SLC8A1: variants seen among roughly 807,000 people sequenced by gnomAD.
SLC8A1 encodes sodium/calcium exchanger 1.
SLC8A1 carries 18 observed loss-of-function variants against 68.3 expected under a neutral mutation model. That is an observed-to-expected ratio of 0.26 (90% CI 0.18 to 0.39). SLC8A1 has a LOEUF of 0.39. SLC8A1 is among the 10% of genes least tolerant of loss of function. The pLI is 1.00. For synonymous variants in SLC8A1, 475 were observed against 415.5 expected (o/e 1.14, Z -1.74); for missense variants, 985 against 1,156.7 (o/e 0.85, Z 2.15).
intron 2 of SLC8A1, among the ~76,000 whole-genome samples, chr2:40,326,682 A>G (rs2075861671): frequency 6.6e-6 from 1 of 152,156 alleles, no homozygotes; most frequent in African/African-American, 2.4e-5. Context: ...GGTACTGATC[A>G]ATGGTTATGG....
intron 2 of SLC8A1, among the ~76,000 whole-genome samples, chr2:40,265,015 G>C (rs1008583589): frequency 5.9e-5 from 9 of 152,172 alleles, no homozygotes; most frequent in African/African-American, 2.2e-4. Context: ...ATGTTGCCAT[G>C]ACTTGCTTTG....
chr2:40,263,072 G>T (rs573519648), intron 2 of SLC8A1, among the ~76,000 whole-genome samples: 2 of 152,154 alleles, frequency 1.3e-5, no homozygotes, highest in Non-Finnish European at 2.9e-5. Flanking sequence ...GTCCTTCAGC[G>T]AATGACTTAC....
intron 1 of SLC8A1, among the ~76,000 whole-genome samples, chr2:40,459,561 A>C (rs1312561524): frequency 2.0e-5 from 3 of 152,208 alleles, no homozygotes; most frequent in Admixed American, 6.5e-5. Flanking sequence ...ACAGACTGCC[A>C]CCAGGGGTTG....
intron 2 of SLC8A1, among the ~76,000 whole-genome samples, chr2:40,297,303 G>C (rs1333186268): frequency 6.6e-6 from 1 of 152,070 alleles, no homozygotes; most frequent in East Asian, 1.9e-4. Flanking sequence ...AAGTTGTTTT[G>C]TAGTCCTAGC....
exon 8 of SLC8A1, chr2:40,115,103 T>C (rs897596527): frequency 6.0e-6 from 3 of 498,968 alleles, no homozygotes; most frequent in African/African-American, 2.0e-5. Flanking sequence ...GATGGTTTTT[T>C]ACTTCGGCCC....
At chr2:40,327,284 T>C (rs1486452764) in intron 2 of SLC8A1, among the ~76,000 whole-genome samples, 1 of 152,218 alleles carries the variant, frequency 6.6e-6, no homozygotes, top group African/African-American at 2.4e-5. Flanking sequence ...CACATGAACA[T>C]TCCACTGTTA....
chr2:40,300,026 C>A (rs969669887), intron 2 of SLC8A1, among the ~76,000 whole-genome samples: 1 of 152,108 alleles, frequency 6.6e-6, no homozygotes, highest in Admixed American at 6.5e-5. Context: ...GTATTTAGAC[C>A]TTCAGGCTAT....
intron 6 of SLC8A1, among the ~76,000 whole-genome samples, chr2:40,146,814 A>G (rs534333354): frequency 4.5e-4 from 68 of 152,250 alleles, no homozygotes; most frequent in African/African-American, 1.6e-3. Flanking sequence ...CCCATTAGCC[A>G]TCCCTACCCG....
At chr2:40,174,967 A>C in intron 3 of SLC8A1, 125 bp from the exon 5 acceptor site, 4 of 891,930 alleles carry the variant, frequency 4.5e-6, no homozygotes, top group Non-Finnish European at 5.3e-6. Context: ...AATTAAGAAG[A>C]CTAGGAAAAT....
chr2:40,121,343 G>A (rs959204484), intron 7 of SLC8A1, among the ~76,000 whole-genome samples: 1 of 152,180 alleles, frequency 6.6e-6, no homozygotes, highest in Non-Finnish European at 1.5e-5. Context: ...GCCTTCCTGC[G>A]AGTAATAGAT....
chr2:40,169,953 TAAAG>T (rs745979643), intron 4 of SLC8A1, among the ~76,000 whole-genome samples: 3 of 152,140 alleles, frequency 2.0e-5, no homozygotes, highest in South Asian at 4.2e-4. Context: ...TCAAATAAAA[TAAAG>T]AAACTTCATT....
intron 2 of SLC8A1, among the ~76,000 whole-genome samples, chr2:40,336,414 T>C (rs567386958): frequency 2.6e-5 from 4 of 152,314 alleles, no homozygotes; most frequent in East Asian, 1.9e-4. Flanking sequence ...TAATGTCCAC[T>C]AAAAATCTCA....
At chr2:40,195,554 A>G (rs2148669761) in intron 2 of SLC8A1, among the ~76,000 whole-genome samples, 1 of 152,242 alleles carries the variant, frequency 6.6e-6, no homozygotes, top group Admixed American at 6.5e-5. Context: ...GTATGACTAT[A>G]TCTTTATGAT....
intron 2 of SLC8A1, among the ~76,000 whole-genome samples, chr2:40,360,943 T>A (rs968456753): frequency 6.6e-6 from 1 of 151,980 alleles, no homozygotes; most frequent in Non-Finnish European, 1.5e-5. Flanking sequence ...AGAGTCAGAA[T>A]AAAATGAGCA....
intron 2 of SLC8A1, among the ~76,000 whole-genome samples, chr2:40,377,210 C>A (rs1374660330): frequency 6.6e-6 from 1 of 152,060 alleles, no homozygotes. Context: ...AAAGAAGAAA[C>A]TCAAAGACAT....
At chr2:40,120,077 T>C (rs901275172) in intron 7 of SLC8A1, among the ~76,000 whole-genome samples, 1 of 152,254 alleles carries the variant, frequency 6.6e-6, no homozygotes, top group Non-Finnish European at 1.5e-5. Flanking sequence ...TTGCTACTTA[T>C]AGGCTAAGCC....
intron 1 of SLC8A1, among the ~76,000 whole-genome samples, chr2:40,485,945 G>A (rs1439763232): frequency 6.6e-6 from 1 of 152,148 alleles, no homozygotes. Flanking sequence ...TTAAAATGAT[G>A]TGATATGGTT....
At chr2:40,329,511 C>T (rs1575451217) in intron 2 of SLC8A1, among the ~76,000 whole-genome samples, 1 of 152,140 alleles carries the variant, frequency 6.6e-6, no homozygotes, top group African/African-American at 2.4e-5. Flanking sequence ...TTAAGATGTT[C>T]AACAGAATCC....
intron 2 of SLC8A1, among the ~76,000 whole-genome samples, chr2:40,292,201 A>T (rs1053352996): frequency 6.6e-6 from 1 of 152,148 alleles, no homozygotes; most frequent in Non-Finnish European, 1.5e-5. Context: ...ATGTGCTCTC[A>T]TTAGGGCATT....
Sources: gnomAD v4.1 joint callset for allele counts (sites outside exome capture counted in the v4.1 genomes callset) on GRCh38, gnomAD v4.1.1 for gene constraint, MANE v1.5 for transcripts, NCBI Gene and HGNC (gene_info 2026-07-23, HGNC 2026-07-21) for gene names.